Variants in IRS2 observed in about 807,000 individuals in gnomAD.
IRS2 encodes the protein insulin receptor substrate 2.
In IRS2, 28 loss-of-function variants were observed where a neutral mutation model predicts 70.9. The observed-to-expected ratio is 0.39, with a 90% confidence interval of 0.29 to 0.54. The LOEUF (loss-of-function observed/expected upper bound fraction) is 0.54. IRS2 is among the 20% of genes least tolerant of loss of function. The pLI is 0.59. For missense variants in IRS2, 2,081 were observed against 2,024.1 expected (o/e 1.03, Z -0.54); for synonymous variants, 1,217 against 981.9 (o/e 1.24, Z -4.48).
In IRS2 at chr13:109,756,167, C is replaced by G. The variant is rs1010643203; in HGVS notation, c.*137G>C. On this transcript the variant is annotated 3_prime_UTR_variant, in exon 2 of 2. Transcript: ENST00000375856. ...TTGGTGCCTCATCTAACAGAGTCCA[C>G]AGATGTTTCCAAACACAGTCATTGC... 2.6e-6 allele frequency: 2 copies of G among 782,584 alleles called. No homozygotes were observed. The highest frequency in any genetic ancestry group is 3.9e-5 in the Admixed American group (2 of 51,314). 48.5% of individuals were successfully genotyped at this position (782,584 alleles called of 1,614,324 possible).
chr13:109,757,325 T>C (rs975928572), intron 1 of IRS2, among the ~76,000 whole-genome samples: 1 of 152,232 alleles, frequency 6.6e-6, no homozygotes, highest in Admixed American at 6.5e-5. Context: ...ATTTCCTTCC[T>C]TTGCAGATGC....
At position 109,785,759 on chromosome 13, in the gene IRS2, G is replaced by A. The variant is rs2138939140; in HGVS notation, c.295C>T (p.Leu99=). 1.3e-6 allele frequency: 2 copies of A among 1,594,916 alleles called. No homozygotes were observed. Among genetic ancestry groups the A allele is most frequent in the Non-Finnish European group, 1.7e-6 (2 of 1,177,528 alleles). Residue 99 remains leucine, a synonymous_variant, in exon 1 of 2, where the codon CTG becomes TTG. Coordinates refer to ENST00000375856, the MANE Select transcript of IRS2 (RefSeq NM_003749.3). The surrounding 1 kb of genome is among the most constrained non-coding windows in gnomAD (Gnocchi z 9.3). ...PKRVIALDCC[L]NINKRADAKH... ...GCGTCGGCGCGCTTGTTGATGTTCA[G>A]GCAGCAGTCGAGAGCGATCACCCGT...
chr13:109,774,383 T>C (rs915408829), intron 1 of IRS2, among the ~76,000 whole-genome samples: 3 of 152,150 alleles, frequency 2.0e-5, no homozygotes, highest in African/African-American at 7.2e-5. Flanking sequence ...AACCGGAGGA[T>C]GTAAAAACTG....
chr13:109,764,375 T>C (rs60292584), intron 1 of IRS2, among the ~76,000 whole-genome samples: 14,987 of 152,202 alleles, frequency 0.098, 2,427 homozygotes, highest in African/African-American at 0.34. Flanking sequence ...GTCTGCTCCC[T>C]CTTATGAAGA....
chr13:109,786,100 G>A lies in IRS2; in HGVS notation c.-47C>T. On this transcript the variant is annotated 5_prime_UTR_variant, in exon 1 of 2. Coordinates refer to ENST00000375856, the MANE Select transcript of IRS2 (RefSeq NM_003749.3). This position sits in a 1 kb window ranked among gnomAD's most constrained non-coding sequence, Gnocchi z 4.4. ...GGCCCGGGCCCGGCGCCCAGGGGTT[G>A]GGGCGAGGGGCGGAGGGGGCGCGGG... The A allele has an allele frequency of 2.0e-6, 2 of 993,754 alleles. No individual in the cohort carries two copies. The highest frequency in any genetic ancestry group is 2.4e-6 in the Non-Finnish European group (2 of 836,990). The allele number at this position is 993,754 out of a possible 1,614,324, so 61.6% of individuals were successfully genotyped here.
At chr13:109,779,017 CATG>C (rs34692120) in intron 1 of IRS2, among the ~76,000 whole-genome samples, 41,414 of 151,972 alleles carry the variant, frequency 0.27, 6,723 homozygotes, top group East Asian at 0.45. Flanking sequence ...ACCAAAAACA[CATG>C]ATAAGTAACC....
At chr13:109,772,010 C>T (rs1000600695) in intron 1 of IRS2, among the ~76,000 whole-genome samples, 1 of 152,250 alleles carries the variant, frequency 6.6e-6, no homozygotes, top group Admixed American at 6.5e-5. Context: ...TTTCTCCCTG[C>T]TTCACAATTC....
At chr13:109,763,683 T>G (rs1877275407) in intron 1 of IRS2, among the ~76,000 whole-genome samples, 1 of 152,258 alleles carries the variant, frequency 6.6e-6, no homozygotes, top group South Asian at 2.1e-4. Context: ...ATGAACGACG[T>G]AATTCTTTCC....
chr13:109,784,017 G>A lies in IRS2; in HGVS notation c.2037C>T (p.Ser679=), dbSNP rs1877825965. The A allele has an allele frequency of 1.3e-6, 2 of 1,537,446 alleles. No individual in the cohort carries two copies. Among genetic ancestry groups the A allele is most frequent in the Non-Finnish European group, 1.7e-6 (2 of 1,146,560 alleles). Residue 679 remains serine (S), a synonymous_variant, in exon 1 of 2, where the codon AGC becomes AGT. Coordinates refer to ENST00000375856, the MANE Select transcript of IRS2 (RefSeq NM_003749.3). The surrounding 1 kb of genome is among the most constrained non-coding windows in gnomAD (Gnocchi z 5.2). ...SCRSDDYMPM[S]PASVSAPKQI... ...GCTTGGGGGCGGACACGCTGGCGGG[G>A]CTCATGGGCATGTAGTCGTCGCTCC...
rs779393537 is a variant in IRS2, at chr13:109,783,599, C to G, written c.2455G>C (p.Asp819His). 6.5e-7 allele frequency: 1 copy of G among 1,547,232 alleles called. No individual in the cohort carries two copies. The highest frequency in any genetic ancestry group is 2.0e-5 in the Admixed American group (1 of 51,216). ...SYKAPYTCGG[D>H]SDQYVLMSSP... ...CTCATGAGCACGTACTGGTCGCTGT[C>G]CCCGCCACAGGTGTAGGGGGCCTTG... The change falls in exon 1 of 2, where the codon GAC becomes CAC. Residue 819 changes from aspartate (D) to histidine (H), a missense_variant. Coordinates refer to ENST00000375856, the MANE Select transcript of IRS2 (RefSeq NM_003749.3).
rs1357584570 is a variant in IRS2 at position 109,755,006 on chromosome 13, T to C, written c.*1298A>G. On this transcript the variant is annotated 3_prime_UTR_variant, in exon 2 of 2. Coordinates refer to ENST00000375856, the MANE Select transcript of IRS2 (RefSeq NM_003749.3). The stretch of plus-strand genomic sequence containing the variant: ...GGGAGCAGAAAACGGCAGAACATTC[T>C]GCCGGTCAAGTTCAGCAGTTTTAGG... 1.3e-5 allele frequency: 3 copies of C among 226,930 alleles called. No individual in the cohort carries two copies. Among genetic ancestry groups the C allele is most frequent in the African/African-American group, 2.2e-5 (1 of 45,020 alleles). 14.1% of individuals were successfully genotyped at this position (226,930 alleles called of 1,614,324 possible).
chr13:109,786,098 T>C lies in IRS2; in HGVS notation c.-45A>G. 9.9e-7 allele frequency: 1 copy of C among 1,005,678 alleles called. No homozygotes were observed. Among genetic ancestry groups the C allele is most frequent in the Non-Finnish European group, 1.2e-6 (1 of 847,126 alleles). 62.3% of individuals were successfully genotyped at this position (1,005,678 alleles called of 1,614,324 possible). ...GCGGCCCGGGCCCGGCGCCCAGGGG[T>C]TGGGGCGAGGGGCGGAGGGGGCGCG... On this transcript the variant is annotated 5_prime_UTR_variant, in exon 1 of 2. Coordinates refer to ENST00000375856, the MANE Select transcript of IRS2 (RefSeq NM_003749.3). This position sits in a 1 kb window ranked among gnomAD's most constrained non-coding sequence, Gnocchi z 4.4.
chr13:109,759,203 C>T (rs1877175063), intron 1 of IRS2, among the ~76,000 whole-genome samples: 1 of 152,236 alleles, frequency 6.6e-6, no homozygotes, highest in East Asian at 1.9e-4. Context: ...TCAACGGCCG[C>T]CTCCTTTCAC....
At chr13:109,756,610 A>G (rs994962185) in intron 1 of IRS2, among the ~76,000 whole-genome samples, 1 of 152,194 alleles carries the variant, frequency 6.6e-6, no homozygotes, top group Non-Finnish European at 1.5e-5. Context: ...GTCGAACAAG[A>G]TAGAAAAAGA....
rs538782363 is a variant in IRS2, at chr13:109,782,946, CGGCGGCGGT to C, written c.3099_3107del (p.Pro1034_Pro1036del). Reference sequence around the variant, plus strand: ...GCAGGCGGTACAGCTCCCCCGGGGCCGGCGGCGGTGGCGGCGGCTGCAGAGACGACGACG... The same window carrying C: ...GCAGGCGGTACAGCTCCCCCGGGGCCGGCGGCGGCTGCAGAGACGACGACG... On this transcript the variant is annotated inframe_deletion, in exon 1 of 2. Coordinates refer to ENST00000375856, the MANE Select transcript of IRS2 (RefSeq NM_003749.3). The C allele has an allele frequency of 1.2e-3, 1,711 of 1,444,364 alleles. 61 individuals carry two copies. The South Asian group carries it at 0.022, about 19-fold the overall frequency. The allele number at this position is 1,444,364 out of a possible 1,614,324, so 89.5% of individuals were successfully genotyped here. A position where few individuals can be genotyped will look rare whatever the true frequency, so the allele number is the denominator to read the frequency against.
At position 109,783,873 on chromosome 13, in the gene IRS2, G is replaced by T; in HGVS notation, c.2181C>A (p.Tyr727Ter). The change falls in exon 1 of 2, where the codon TAC becomes TAA. Residue 727 changes from tyrosine (Y) to a stop codon, truncating the protein, a stop_gained. Transcript: ENST00000375856. LOFTEE classifies it high-confidence loss of function. ...GRTFPASGGGYKASSPAESSP... is the reference protein window; with the variant it reads ...GRTFPASGGG ...AGCTCTCGGCGGGCGAGCTGGCCTTGTAGCCGCCCCCGCTCGCCGGGAATG... is the reference window on the plus strand; with the variant it reads ...AGCTCTCGGCGGGCGAGCTGGCCTTTTAGCCGCCCCCGCTCGCCGGGAATG... 6.4e-7 allele frequency: 1 copy of T among 1,551,782 alleles called. No individual in the cohort carries two copies.
intron 1 of IRS2, among the ~76,000 whole-genome samples, chr13:109,764,430 A>G (rs1308673849): frequency 6.6e-6 from 1 of 152,252 alleles, no homozygotes; most frequent in Non-Finnish European, 1.5e-5. Context: ...GTGGAGTCAC[A>G]GGGAACCTGT....
At position 109,756,166 on chromosome 13, in the gene IRS2, A is replaced by G. The variant is rs1877103221; in HGVS notation, c.*138T>C. The G allele has an allele frequency of 1.3e-6, 1 of 780,394 alleles. No individual in the cohort carries two copies. The highest frequency in any genetic ancestry group is 1.7e-5 in the African/African-American group (1 of 59,060). 48.3% of individuals were successfully genotyped at this position (780,394 alleles called of 1,614,324 possible). ...GTTGGTGCCTCATCTAACAGAGTCC[A>G]CAGATGTTTCCAAACACAGTCATTG... is the stretch of plus-strand genomic sequence containing the variant. On this transcript the variant is annotated 3_prime_UTR_variant, in exon 2 of 2. Transcript: ENST00000375856.
chr13:109,776,668 A>G (rs1877585963), intron 1 of IRS2, among the ~76,000 whole-genome samples: 1 of 152,218 alleles, frequency 6.6e-6, no homozygotes, highest in African/African-American at 2.4e-5. Context: ...GTATTTTAGC[A>G]CCCAGTTAAT....
Sources: allele counts gnomAD v4.1 joint callset (sites outside exome capture counted in the v4.1 genomes callset), GRCh38; gene constraint gnomAD v4.1.1; non-coding constraint Gnocchi (gnomAD v3.1); transcripts MANE v1.5; gene names NCBI Gene and HGNC (gene_info 2026-07-23, HGNC 2026-07-21).